Variants in PARD3 observed in about 807,000 individuals in gnomAD.
PARD3 encodes the protein par-3 family cell polarity regulator.
In PARD3, 75 loss-of-function variants were observed where a neutral mutation model predicts 155.4. The observed-to-expected ratio is 0.48, with a 90% CI of 0.40 to 0.58. The LOEUF (loss-of-function observed/expected upper bound fraction) is 0.58. PARD3 is among the 20% of genes least tolerant of loss of function. PARD3 has a pLI of 0.00. For synonymous variants in PARD3, 576 were observed against 610.5 expected (o/e 0.94, Z 0.83); for missense variants, 1,642 against 1,721.7 (o/e 0.95, Z 0.82).
At chr10:34,642,255 C>T (rs2092701359) in intron 2 of PARD3, among the ~76,000 whole-genome samples, 2 of 151,680 alleles carry the variant, frequency 1.3e-5, no homozygotes, top group African/African-American at 2.4e-5. Context: ...CTCCACCTCC[C>T]TCTCTCCACT....
At chr10:34,205,385 A>G (rs1441219906) in intron 22 of PARD3, among the ~76,000 whole-genome samples, 1 of 152,192 alleles carries the variant, frequency 6.6e-6, no homozygotes, top group African/African-American at 2.4e-5. Context: ...GCCGGGTGAA[A>G]TGAAAAATGT....
chr10:34,639,573 A>C (rs988114721), intron 2 of PARD3, among the ~76,000 whole-genome samples: 1 of 152,062 alleles, frequency 6.6e-6, no homozygotes, highest in African/African-American at 2.4e-5. Flanking sequence ...AACACGGAAA[A>C]CAGACTGGGC....
intron 3 of PARD3, among the ~76,000 whole-genome samples, chr10:34,495,183 C>A (rs74428073): frequency 0.055 from 8,223 of 149,590 alleles, 280 homozygotes; most frequent in East Asian, 0.1. Flanking sequence ...AAAAAAAAAA[C>A]AAACAAAAAC....
At position 34,227,688 on chromosome 10, in the gene PARD3, T is replaced by C. The variant is rs147423957; in HGVS notation, c.3419+41969A>G. ...AAAAAAATAACAGATGTTGGTGAGG[T>C]TGTGGAGAAAAGGGAATGCTTACAA... On this transcript the variant is annotated intron_variant, in intron 22 of 24. Transcript: ENST00000374788. Among the ~76,000 whole-genome samples the C allele has an allele frequency of 4.1e-3, 622 of 151,212 alleles. 4 individuals carry two copies. Among genetic ancestry groups the C allele is most frequent in the African/African-American group, 0.014 (585 of 41,218 alleles).
At chr10:34,665,191 C>T (rs1410652349) in intron 2 of PARD3, among the ~76,000 whole-genome samples, 1 of 151,886 alleles carries the variant, frequency 6.6e-6, no homozygotes, top group Non-Finnish European at 1.5e-5. Flanking sequence ...AATAGTAATT[C>T]AAATAAGCTA....
intron 19 of PARD3, among the ~76,000 whole-genome samples, chr10:34,317,725 C>T (rs975984844): frequency 2.0e-5 from 3 of 152,166 alleles, no homozygotes; most frequent in Admixed American, 6.5e-5. Flanking sequence ...AATAAGCAGG[C>T]CTTCCCAAAG....
intron 22 of PARD3, among the ~76,000 whole-genome samples, chr10:34,182,923 A>G (rs564638248): frequency 2.9e-4 from 44 of 152,366 alleles, no homozygotes; most frequent in Admixed American, 6.5e-4. Flanking sequence ...CTCATAAATT[A>G]CATCAACATT....
intron 2 of PARD3, among the ~76,000 whole-genome samples, chr10:34,534,282 C>A (rs1351941952): frequency 6.6e-6 from 1 of 151,660 alleles, no homozygotes; most frequent in Non-Finnish European, 1.5e-5. Flanking sequence ...AAAAAAAGAC[C>A]CAGAAGGAAT....
At chr10:34,393,458 G>A (rs903690376) in intron 7 of PARD3, among the ~76,000 whole-genome samples, 3 of 151,950 alleles carry the variant, frequency 2.0e-5, no homozygotes, top group South Asian at 2.1e-4. Flanking sequence ...GCACTTGCCT[G>A]TAGTCCCAGC....
chr10:34,433,036 T>G (rs1314007626), intron 5 of PARD3, among the ~76,000 whole-genome samples: 1 of 152,214 alleles, frequency 6.6e-6, no homozygotes, highest in Non-Finnish European at 1.5e-5. Flanking sequence ...AAACTGCACA[T>G]GTACCTTAAA....
At chr10:34,305,495 T>C (rs945213444) in intron 20 of PARD3, among the ~76,000 whole-genome samples, 1 of 152,222 alleles carries the variant, frequency 6.6e-6, no homozygotes, top group African/African-American at 2.4e-5. Flanking sequence ...AACAGAATCT[T>C]ACACAACTCC....
rs562430077 is a variant in PARD3 at position 34,385,340 on chromosome 10, T to C, written c.891-1086A>G. Among the ~76,000 whole-genome samples the C allele has an allele frequency of 7.2e-5, 11 of 152,186 alleles. No individual in the cohort carries two copies. The East Asian group carries it at 1.9e-3, about 27-fold the overall frequency. ...TAGTAGAGCTGGGGTTTCACCATGT[T>C]GGCTAGGCTGGTCTCAAACTCCTGA... On this transcript the variant is annotated intron_variant, in intron 7 of 24. Coordinates refer to ENST00000374788, the MANE Select transcript of PARD3 (RefSeq NM_001184785.2).
chr10:34,405,280 C>T (rs1275856170), intron 5 of PARD3, among the ~76,000 whole-genome samples: 3 of 151,930 alleles, frequency 2.0e-5, no homozygotes, highest in African/African-American at 4.8e-5. Flanking sequence ...AAACAAACCT[C>T]GATAAATCTT....
intron 2 of PARD3, among the ~76,000 whole-genome samples, chr10:34,550,179 G>A (rs542311481): frequency 4.6e-5 from 7 of 152,310 alleles, no homozygotes; most frequent in Admixed American, 2.0e-4. Context: ...GGAGGACACC[G>A]TCCTTGCACG....
chr10:34,250,611 A>G (rs1954249561), intron 22 of PARD3, among the ~76,000 whole-genome samples: 1 of 152,032 alleles, frequency 6.6e-6, no homozygotes, highest in South Asian at 2.1e-4. Flanking sequence ...ACTCAGTAAT[A>G]AAAGAAAAAA....
At chr10:34,238,659 G>T (rs2133629991) in intron 22 of PARD3, among the ~76,000 whole-genome samples, 1 of 152,264 alleles carries the variant, frequency 6.6e-6, no homozygotes, top group Admixed American at 6.5e-5. Context: ...ATGCAGTGCT[G>T]AACACTTTAA....
chr10:34,552,487 C>T (rs1387808551), intron 2 of PARD3, among the ~76,000 whole-genome samples: 1 of 152,204 alleles, frequency 6.6e-6, no homozygotes, highest in Non-Finnish European at 1.5e-5. Flanking sequence ...GCAGGTGGAT[C>T]ACCTGAGGTC....
intron 1 of PARD3, among the ~76,000 whole-genome samples, chr10:34,717,048 G>A (rs1303871956): frequency 6.6e-6 from 1 of 152,042 alleles, no homozygotes; most frequent in African/African-American, 2.4e-5. Flanking sequence ...GTGGCCCGGG[G>A]ATACCAAAAG....
At chr10:34,196,774 C>A in intron 22 of PARD3, among the ~76,000 whole-genome samples, 1 of 151,784 alleles carries the variant, frequency 6.6e-6, no homozygotes, top group East Asian at 1.9e-4. Flanking sequence ...AGGGTTACAC[C>A]GTGTTAGCCA....
Sources: gnomAD v4.1 joint callset for allele counts (sites outside exome capture counted in the v4.1 genomes callset) on GRCh38, gnomAD v4.1.1 for gene constraint, MANE v1.5 for transcripts, NCBI Gene and HGNC (gene_info 2026-07-23, HGNC 2026-07-21) for gene names.